POLR1B: variants seen among roughly 807,000 people sequenced by gnomAD.
The protein encoded by POLR1B is DNA-directed RNA polymerase I subunit RPA2.
POLR1B carries 30 observed loss-of-function variants against 105.8 expected under a neutral mutation model. The observed-to-expected ratio is 0.28, with a 90% CI of 0.21 to 0.38. The LOEUF is 0.38. POLR1B is among the 10% of genes least tolerant of loss of function. The pLI, the probability that POLR1B is intolerant of heterozygous loss-of-function variation, is 1.00. For synonymous variants in POLR1B, 485 were observed against 505.1 expected (o/e 0.96, Z 0.53); for missense variants, 976 against 1,435.8 (o/e 0.68, Z 5.17).
chr2:112,558,366 C>G (rs978272264), intron 8 of POLR1B, among the ~76,000 whole-genome samples: 1 of 152,134 alleles, frequency 6.6e-6, no homozygotes, highest in Admixed American at 6.5e-5. Flanking sequence ...AGATGGGTTG[C>G]TGTACATGCC....
At chr2:112,544,680 A>G (rs763676178) in intron 1 of POLR1B, among the ~76,000 whole-genome samples, 2 of 152,212 alleles carry the variant, frequency 1.3e-5, no homozygotes, top group Non-Finnish European at 1.5e-5. Context: ...AGCTAGGACT[A>G]TAATAATATA....
chr2:112,547,223 T>G (rs1203547956), intron 2 of POLR1B, 44 bp downstream of exon 2: 5 of 1,604,706 alleles, frequency 3.1e-6, no homozygotes, highest in Non-Finnish European at 4.3e-6. Context: ...CTGCACATAT[T>G]TGGGAGTAGG....
chr2:112,563,361 A>T (rs1434561878), intron 9 of POLR1B, among the ~76,000 whole-genome samples: 1 of 152,096 alleles, frequency 6.6e-6, no homozygotes, highest in East Asian at 1.9e-4. Flanking sequence ...GGCCTGTGAC[A>T]ATTTCTTAAA....
intron 10 of POLR1B, 124 bp from the exon 11 acceptor site, chr2:112,567,843 C>A: frequency 2.6e-6 from 2 of 774,670 alleles, no homozygotes; most frequent in Non-Finnish European, 4.2e-6. Context: ...GGGTGAGCAC[C>A]CAAGGAAGTA....
intron 14 of POLR1B, among the ~76,000 whole-genome samples, chr2:112,574,228 AT>A (rs1477113531): frequency 6.6e-6 from 1 of 152,134 alleles, no homozygotes. Flanking sequence ...CCTAGCCAAA[AT>A]GTTGAGCTCA....
rs1419610056 is a variant in POLR1B, at chr2:112,559,498, C to T, written c.1536C>T (p.Asn512=). 3 of 1,614,240 alleles carry T rather than the reference C, an allele frequency of 1.9e-6. No homozygotes were observed. Among genetic ancestry groups the T allele is most frequent in the East Asian group, 2.2e-5 (1 of 44,894 alleles). The change falls in exon 9 of 15, where the codon AAC becomes AAT. Residue 512 remains asparagine (N), a synonymous_variant. Transcript: ENST00000263331. ...ACGGGGAGCCCTGTGGCCTGATGAA[C>T]CACCTAACTGCCGTATGTGAGGTTG... ...TPDGEPCGLM[N]HLTAVCEVVT...
rs1435208475 is a variant in POLR1B, at chr2:112,576,522, C to T, written c.*793C>T. ...ACCTGTTGAACAACTCTCCATTTCC[C>T]TGGCCCCTAGCAACCACCCTTCTAC... is the stretch of plus-strand genomic sequence containing the variant. On this transcript the variant is annotated 3_prime_UTR_variant, in exon 15 of 15. Transcript: ENST00000263331. 6.6e-6 allele frequency: 1 copy of T among 152,224 alleles called. No homozygotes were observed. Among genetic ancestry groups the T allele is most frequent in the Non-Finnish European group, 1.5e-5 (1 of 68,064 alleles). The allele number at this position is 152,224 out of a possible 1,614,324, so 9.4% of individuals were successfully genotyped here. A position where few individuals can be genotyped will look rare whatever the true frequency, so the allele number is the denominator to read the frequency against.
At chr2:112,546,855 G>A (rs1400032695) in intron 1 of POLR1B, 157 bp from the exon 2 acceptor site, 32 of 698,506 alleles carry the variant, frequency 4.6e-5, no homozygotes, top group Middle Eastern at 4.2e-4. Flanking sequence ...GAACCACTGC[G>A]CCCGGCCAAC....
At chr2:112,571,666 G>A (rs1338828057) in intron 12 of POLR1B, among the ~76,000 whole-genome samples, 1 of 152,110 alleles carries the variant, frequency 6.6e-6, no homozygotes, top group African/African-American at 2.4e-5. Flanking sequence ...TCCCTTTGTG[G>A]TTCTCTCATT....
In POLR1B at chr2:112,575,014, C is replaced by T. The variant is rs779193375; in HGVS notation, c.2693C>T (p.Pro898Leu). Reference protein sequence around the residue: ...GQKGILSRLWPAEDMPFTESG... With the variant: ...GQKGILSRLWLAEDMPFTESG... ...AAGGGCATTTTAAGCAGATTGTGGC[C>T]GGCTGAGGACATGCCTTTTACTGAG... The change falls in exon 15 of 15, where the codon CCG becomes CTG. Residue 898 changes from proline to leucine, a missense_variant. Pro to Leu is a moderately conservative substitution (Grantham distance 98). Coordinates refer to ENST00000263331, the MANE Select transcript of POLR1B (RefSeq NM_019014.6). This position sits in a 1 kb window ranked among gnomAD's most constrained non-coding sequence, Gnocchi z 5.3. 156 of 1,614,000 alleles carry T rather than the reference C, an allele frequency of 9.7e-5. No homozygotes were observed. The highest frequency in any genetic ancestry group is 3.1e-4 in the East Asian group (14 of 44,880).
At chr2:112,562,303 T>A (rs1684028863) in intron 9 of POLR1B, among the ~76,000 whole-genome samples, 1 of 152,120 alleles carries the variant, frequency 6.6e-6, no homozygotes. Flanking sequence ...TTTAATGCAT[T>A]TAGGTGGCTT....
At chr2:112,543,922 A>G (rs1574085116) in intron 1 of POLR1B, among the ~76,000 whole-genome samples, 2 of 152,032 alleles carry the variant, frequency 1.3e-5, no homozygotes, top group Admixed American at 6.5e-5. Context: ...CATCTCCACA[A>G]AAATTTAAAA....
In POLR1B at chr2:112,575,471, A is replaced by G. The variant is rs1193888840; in HGVS notation, c.3150A>G (p.Thr1050=). The stretch of plus-strand genomic sequence containing the variant: ...GGGATGCGCTTTTAGCTCATGGTAC[A>G]TCTTTTCTCCTTCATGACCGCCTCT... The part of the protein sequence containing the change: ...MERDALLAHG[T]SFLLHDRLFN... The change falls in exon 15 of 15, where the codon ACA becomes ACG. Residue 1050 remains threonine, a synonymous_variant. Coordinates refer to ENST00000263331, the MANE Select transcript of POLR1B (RefSeq NM_019014.6). This position sits in a 1 kb window ranked among gnomAD's most constrained non-coding sequence, Gnocchi z 5.3. 1 of 1,614,018 alleles carries G rather than the reference A, an allele frequency of 6.2e-7. No homozygotes were observed. The highest frequency in any genetic ancestry group is 8.5e-7 in the Non-Finnish European group (1 of 1,180,044).
In POLR1B at chr2:112,574,866, G is replaced by T; in HGVS notation, c.2545G>T (p.Val849Leu). ...TCCTAGGAGTAAAGAAAATTGTGTT[G>T]TGGATAACATCAAAGTGTGCAGTAA... The part of the protein sequence containing the change: ...MYYKSKENCV[V>L]DNIKVCSNDT... Residue 849 changes from valine to leucine, a missense_variant, in exon 15 of 15, where the codon GTG becomes TTG. Val to Leu is a conservative substitution (Grantham distance 32). Coordinates refer to ENST00000263331, the MANE Select transcript of POLR1B (RefSeq NM_019014.6). The T allele has an allele frequency of 6.2e-7, 1 of 1,609,552 alleles. No homozygotes were observed. The highest frequency in any genetic ancestry group is 8.5e-7 in the Non-Finnish European group (1 of 1,176,384).
intron 13 of POLR1B, 147 bp from the exon 14 acceptor site, chr2:112,573,415 T>C: frequency 9.1e-7 from 1 of 1,099,462 alleles, no homozygotes; most frequent in Non-Finnish European, 1.3e-6. Flanking sequence ...GTCTGGGTTT[T>C]TGTAGTTAGT....
In POLR1B at chr2:112,542,732, G is replaced by A. The variant is rs550978877; in HGVS notation, c.177+61G>A. The A allele has an allele frequency of 3.2e-3, 5,109 of 1,585,648 alleles. 11 individuals carry two copies. Among genetic ancestry groups the A allele is most frequent in the Non-Finnish European group, 3.9e-3 (4,593 of 1,166,062 alleles). On this transcript the variant is annotated intron_variant, in intron 1 of 14. Coordinates refer to ENST00000263331, the MANE Select transcript of POLR1B (RefSeq NM_019014.6). ...GAGGCCAATCCCAGGGAGGTGGCTG[G>A]GAGGTCACAGTATGACCCCAGATGC...
chr2:112,559,513 A>C lies in POLR1B; in HGVS notation c.1551A>C (p.Val517=). ...GCCTGATGAACCACCTAACTGCCGT[A>C]TGTGAGGTTGTCACACAGTTTGTGT... ...PCGLMNHLTA[V]CEVVTQFVYT... Residue 517 remains valine, a synonymous_variant, in exon 9 of 15, where the codon GTA becomes GTC. Transcript: ENST00000263331. 4.3e-6 allele frequency: 7 copies of C among 1,614,270 alleles called. No individual in the cohort carries two copies. Among genetic ancestry groups the C allele is most frequent in the Non-Finnish European group, 5.9e-6 (7 of 1,180,048 alleles).
chr2:112,569,555 T>C (rs374076521), intron 12 of POLR1B, among the ~76,000 whole-genome samples: 2 of 151,686 alleles, frequency 1.3e-5, no homozygotes, highest in Admixed American at 1.3e-4. Flanking sequence ...CTGAATATAG[T>C]GTGTTTCTTT....
Position 112,573,543 on chromosome 2 carries a change from C to T in POLR1B, c.2272-19C>T, listed in dbSNP as rs192067179. On this transcript the variant is annotated intron_variant, in intron 13 of 14. Coordinates refer to ENST00000263331, the MANE Select transcript of POLR1B (RefSeq NM_019014.6). ...TCCTCAATTGGCCTCAGTCTTTTAA[C>T]GATTCTTTTACTTCACAGATTGTGA... 13 of 1,600,872 alleles carry T rather than the reference C, an allele frequency of 8.1e-6. No homozygotes were observed. Among genetic ancestry groups the T allele is most frequent in the East Asian group, 4.5e-5 (2 of 44,742 alleles).
Sources: allele counts gnomAD v4.1 joint callset (sites outside exome capture counted in the v4.1 genomes callset), GRCh38; gene constraint gnomAD v4.1.1; non-coding constraint Gnocchi (gnomAD v3.1); transcripts MANE v1.5; gene names NCBI Gene and HGNC (gene_info 2026-07-23, HGNC 2026-07-21).